The following SMOC2 variants were observed in gnomAD, a reference collection of about 807,000 sequenced individuals.
SMOC2 encodes SPARC-related modular calcium-binding protein 2.
Under a neutral mutation model 61.4 loss-of-function variants are expected in SMOC2, and 39 were observed. The ratio of observed to expected loss-of-function variants is 0.64; its 90% confidence interval spans 0.49 to 0.83. The LOEUF (loss-of-function observed/expected upper bound fraction) is 0.83. Ranked by LOEUF, SMOC2 falls within the 40% of genes least tolerant of loss-of-function variation. The pLI is 0.00. For missense variants in SMOC2, 556 were observed against 592.9 expected, an observed-to-expected ratio of 0.94 and a Z score of 0.65; for synonymous variants, 247 against 239.9, an observed-to-expected ratio of 1.03 and a Z score of -0.27.
chr6:168,442,801 T>C (rs1781247129), intron 1 of SMOC2, among the ~76,000 whole-genome samples: 2 of 152,220 alleles, frequency 1.3e-5, no homozygotes, highest in Non-Finnish European at 2.9e-5. Flanking sequence ...CTCAAATTCT[T>C]CTGCAGCAGC....
At chr6:168,599,631 C>T (rs1225060281) in intron 8 of SMOC2, among the ~76,000 whole-genome samples, 9 of 58,474 alleles carry the variant, frequency 1.5e-4, no homozygotes, top group Non-Finnish European at 3.2e-4. Context: ...ATACCACACA[C>T]ACCCACACCC....
At chr6:168,509,816 A>G (rs575176143) in intron 1 of SMOC2, 99 bp from the exon 2 acceptor site, 2,060 of 1,248,300 alleles carry the variant, frequency 1.7e-3, no homozygotes, top group Non-Finnish European at 2.1e-3. Flanking sequence ...TCAAGCTTTC[A>G]TTCCCTGACC....
At chr6:168,545,875 G>A (rs1783984200) in intron 5 of SMOC2, among the ~76,000 whole-genome samples, 1 of 152,166 alleles carries the variant, frequency 6.6e-6, no homozygotes. Flanking sequence ...GTATGTTCTT[G>A]TGTTTAAAAT....
chr6:168,535,882 G>A lies in SMOC2; in HGVS notation c.464-7743G>A, dbSNP rs184849145. On this transcript the variant is annotated intron_variant, in intron 4 of 12. Transcript: ENST00000356284. This position sits in a 1 kb window ranked among gnomAD's most constrained non-coding sequence, Gnocchi z 4.6. ...AGCTTCACGGCACAGGGGCGCCGCCGGGGGAAGATGGGAGGGAGACGCATG... is the reference window on the plus strand; with the variant it reads ...AGCTTCACGGCACAGGGGCGCCGCCAGGGGAAGATGGGAGGGAGACGCATG... Among the ~76,000 whole-genome samples, 2 of 152,196 alleles carry A rather than the reference G, an allele frequency of 1.3e-5. No homozygotes were observed. Among genetic ancestry groups the A allele is most frequent in the Admixed American group, 6.5e-5 (1 of 15,276 alleles).
chr6:168,467,136 A>ACACAC (rs1781853992), intron 1 of SMOC2, among the ~76,000 whole-genome samples: 4 of 133,332 alleles, frequency 3.0e-5, no homozygotes, highest in Non-Finnish European at 6.4e-5. Context: ...AGTGCTCTCA[A>ACACAC]ACACACACAC....
intron 12 of SMOC2, among the ~76,000 whole-genome samples, chr6:168,665,965 G>A (rs2115297787): frequency 6.6e-6 from 1 of 150,726 alleles, no homozygotes; most frequent in East Asian, 2.0e-4. Context: ...AGTTACAGTT[G>A]TTTATCATTA....
chr6:168,560,110 A>G (rs771765253), intron 7 of SMOC2, among the ~76,000 whole-genome samples: 33 of 152,248 alleles, frequency 2.2e-4, no homozygotes, highest in Admixed American at 1.6e-3. Context: ...TGTTTTTAAT[A>G]GAGGCAACCT....
At chr6:168,459,235 G>A (rs1473420311) in intron 1 of SMOC2, among the ~76,000 whole-genome samples, 1 of 152,182 alleles carries the variant, frequency 6.6e-6, no homozygotes, top group East Asian at 1.9e-4. Flanking sequence ...CTGTCAACCC[G>A]AGGCTCAAAG....
chr6:168,450,704 T>C (rs1485665222), intron 1 of SMOC2, among the ~76,000 whole-genome samples: 3 of 152,206 alleles, frequency 2.0e-5, no homozygotes, highest in African/African-American at 7.2e-5. Context: ...CGGGTTCTGT[T>C]TGGAGCTTTG....
intron 7 of SMOC2, among the ~76,000 whole-genome samples, chr6:168,564,335 A>G (rs1406134757): frequency 6.6e-6 from 1 of 152,100 alleles, no homozygotes; most frequent in Non-Finnish European, 1.5e-5. Context: ...GTGTGTTTAT[A>G]CACCACTGCA....
chr6:168,488,719 A>G (rs905595905), intron 1 of SMOC2, among the ~76,000 whole-genome samples: 6 of 152,014 alleles, frequency 3.9e-5, no homozygotes, highest in African/African-American at 1.5e-4. Flanking sequence ...TTAGAAGGAA[A>G]TATATCAAAT....
chr6:168,508,999 G>A (rs1782943114), intron 1 of SMOC2, among the ~76,000 whole-genome samples: 2 of 152,224 alleles, frequency 1.3e-5, no homozygotes, highest in African/African-American at 2.4e-5. Flanking sequence ...GTCACCTTGA[G>A]CTTCACCTTG....
intron 8 of SMOC2, among the ~76,000 whole-genome samples, chr6:168,599,589 C>CCACACACACCCCCCACACACT (rs201783944): frequency 6.6e-4 from 6 of 9,158 alleles, no homozygotes; most frequent in African/African-American, 2.5e-3. Flanking sequence ...CCACACACAC[C>CCACACACACCCCCCACACACT]CACACATACC....
chr6:168,505,365 C>G (rs1298566807), intron 1 of SMOC2, among the ~76,000 whole-genome samples: 2 of 147,788 alleles, frequency 1.4e-5, no homozygotes, highest in Admixed American at 6.8e-5. Flanking sequence ...AGATGAATGA[C>G]TGAATGAAAT....
intron 1 of SMOC2, among the ~76,000 whole-genome samples, chr6:168,476,310 G>C (rs1297067035): frequency 4.6e-5 from 7 of 152,102 alleles, no homozygotes; most frequent in Non-Finnish European, 8.8e-5. Flanking sequence ...AGACGAGAAA[G>C]TGATGTCTAA....
At chr6:168,628,920 G>A (rs536561713) in intron 9 of SMOC2, among the ~76,000 whole-genome samples, 5 of 152,382 alleles carry the variant, frequency 3.3e-5, no homozygotes, top group Admixed American at 2.6e-4. Context: ...AGGCGTGGGT[G>A]GAGGGCAGTC....
At chr6:168,566,131 C>A (rs140716298) in intron 7 of SMOC2, among the ~76,000 whole-genome samples, 10 of 152,072 alleles carry the variant, frequency 6.6e-5, no homozygotes, top group South Asian at 2.1e-4. Flanking sequence ...TATGGCAATG[C>A]GTCTACCACC....
intron 2 of SMOC2, among the ~76,000 whole-genome samples, chr6:168,510,978 C>G (rs1782993329): frequency 6.6e-6 from 1 of 152,146 alleles, no homozygotes; most frequent in Admixed American, 6.6e-5. Context: ...GACCGCATGT[C>G]CAGCAGGGGT....
In SMOC2 at chr6:168,666,452, C is replaced by T. The variant is rs749176184; in HGVS notation, c.*14C>T. 2.0e-5 allele frequency: 32 copies of T among 1,613,642 alleles called. 1 individual carries two copies. Among genetic ancestry groups the T allele is most frequent in the South Asian group, 1.6e-4 (15 of 91,066 alleles). On this transcript the variant is annotated 3_prime_UTR_variant, in exon 13 of 13. Transcript: ENST00000356284. ...AAACAAGGATAAATGGCTCATACCC[C>T]GAAGGCAGTTCCTAGACACATGGGA...
Sources: gnomAD v4.1 joint callset for allele counts (sites outside exome capture counted in the v4.1 genomes callset) on GRCh38, gnomAD v4.1.1 for gene constraint, Gnocchi (gnomAD v3.1) non-coding constraint, MANE v1.5 for transcripts, NCBI Gene and HGNC (gene_info 2026-07-23, HGNC 2026-07-21) for gene names.